The following EIF3H variants were observed in gnomAD, a reference collection of about 807,000 sequenced individuals.
EIF3H encodes the protein eukaryotic translation initiation factor 3 subunit H, also known as eIF-3-gamma.
EIF3H carries 26 observed loss-of-function variants against 44.2 expected under a neutral mutation model. That is an observed-to-expected ratio of 0.59 (90% CI 0.43 to 0.82). EIF3H has a LOEUF of 0.82. Ranked by LOEUF, EIF3H falls within the 40% of genes least tolerant of loss-of-function variation. The pLI, the probability that EIF3H is intolerant of heterozygous loss-of-function variation, is 0.00. For missense variants in EIF3H, 359 were observed against 432.8 expected (o/e 0.83, Z 1.51); for synonymous variants, 166 against 151.9 (o/e 1.09, Z -0.68).
At chr8:116,743,794 ATATAAACAC>A (rs1815176973) in intron 1 of EIF3H, among the ~76,000 whole-genome samples, 15 of 91,762 alleles carry the variant, frequency 1.6e-4, no homozygotes, top group South Asian at 6.9e-4. Context: ...ATATATATAT[ATATAAACAC>A]ACACACACAC....
At chr8:116,676,238 G>A (rs1028691311) in intron 2 of EIF3H, among the ~76,000 whole-genome samples, 11 of 152,198 alleles carry the variant, frequency 7.2e-5, no homozygotes, top group African/African-American at 2.7e-4. Flanking sequence ...ACTAATGAGA[G>A]AAAGAATACA....
chr8:116,753,486 T>TA (rs1435833732), intron 1 of EIF3H, among the ~76,000 whole-genome samples: 20 of 152,210 alleles, frequency 1.3e-4, no homozygotes, highest in Non-Finnish European at 2.6e-4. Context: ...ACTGAAAAGG[T>TA]ATGTCTTCCA....
In EIF3H at chr8:116,645,048, G is replaced by A. The variant is rs369039045; in HGVS notation, c.1017C>T (p.Gly339=). 6 of 1,613,994 alleles carry A rather than the reference G, an allele frequency of 3.7e-6. No homozygotes were observed. Among genetic ancestry groups the A allele is most frequent in the Middle Eastern group, 1.6e-4 (1 of 6,084 alleles). The change falls in exon 8 of 8, where the codon GGC becomes GGT. Residue 339 remains glycine, a synonymous_variant. Transcript: ENST00000521861. ...GAAGAGCCTGGGCCATGAAGAGCTTGCCTAAGTTTTGGGCAGTGAACTCCT... is the reference window on the plus strand; with the variant it reads ...GAAGAGCCTGGGCCATGAAGAGCTTACCTAAGTTTTGGGCAGTGAACTCCT... ...NIKEFTAQNL[G]KLFMAQALQE...
intron 1 of EIF3H, among the ~76,000 whole-genome samples, chr8:116,764,375 T>C (rs1282987443): frequency 1.3e-5 from 2 of 152,246 alleles, no homozygotes; most frequent in Non-Finnish European, 1.5e-5. Flanking sequence ...ATATTGATTT[T>C]CCATTACAGA....
At chr8:116,648,362 T>C (rs1015455509) in intron 6 of EIF3H, among the ~76,000 whole-genome samples, 4 of 152,224 alleles carry the variant, frequency 2.6e-5, no homozygotes, top group African/African-American at 7.2e-5. Context: ...TATTATACTA[T>C]CTACTTCACA....
intron 5 of EIF3H, among the ~76,000 whole-genome samples, chr8:116,651,159 T>C (rs1384731125): frequency 1.3e-5 from 2 of 152,326 alleles, no homozygotes; most frequent in African/African-American, 2.4e-5. Context: ...TTTTTCTCTA[T>C]ATTAAAAACT....
At chr8:116,759,135 T>C (rs1449841310), upstream of EIF3H, among the ~76,000 whole-genome samples, 1 of 152,258 alleles carries the variant, frequency 6.6e-6, no homozygotes, top group Non-Finnish European at 1.5e-5. Context: ...TGTGGATATT[T>C]ATTTATTGTA....
At chr8:116,732,669 ATTCATTC>A (rs1168449964) in intron 1 of EIF3H, among the ~76,000 whole-genome samples, 2 of 151,918 alleles carry the variant, frequency 1.3e-5, no homozygotes, top group African/African-American at 4.8e-5. Context: ...TCATTCATTC[ATTCATTC>A]ATTCACTTAG....
At chr8:116,718,574 C>T (rs1240245025) in intron 2 of EIF3H, among the ~76,000 whole-genome samples, 1 of 151,946 alleles carries the variant, frequency 6.6e-6, no homozygotes, top group East Asian at 1.9e-4. Flanking sequence ...GCATTTGCAG[C>T]AACCTGGATG....
At chr8:116,668,124 TCAACTAC>T (rs1813698010) in intron 2 of EIF3H, among the ~76,000 whole-genome samples, 1 of 152,234 alleles carries the variant, frequency 6.6e-6, no homozygotes, top group South Asian at 2.1e-4. Context: ...GTTATAATAG[TCAACTAC>T]CTTCTGAGTA....
chr8:116,751,095 C>A (rs1055520303), intron 1 of EIF3H, among the ~76,000 whole-genome samples: 37 of 151,664 alleles, frequency 2.4e-4, no homozygotes, highest in Non-Finnish European at 3.8e-4. Context: ...GCCTGTAGTC[C>A]CAGCTACTTG....
At chr8:116,740,586 A>C (rs1044762508) in intron 1 of EIF3H, among the ~76,000 whole-genome samples, 1 of 152,124 alleles carries the variant, frequency 6.6e-6, no homozygotes, top group African/African-American at 2.4e-5. Context: ...GCCCAGATGA[A>C]ACCCCAACAT....
chr8:116,723,427 G>T (rs4129064), intron 2 of EIF3H, among the ~76,000 whole-genome samples: 101,103 of 149,044 alleles, frequency 0.68, 34,215 homozygotes, highest in Non-Finnish European at 0.75. Context: ...GCATAGCCAG[G>T]TTAAAAAAAA....
chr8:116,698,319 A>G (rs1329462771), intron 2 of EIF3H, among the ~76,000 whole-genome samples: 1 of 152,192 alleles, frequency 6.6e-6, no homozygotes, highest in African/African-American at 2.4e-5. Flanking sequence ...CCAGATACTC[A>G]TGAGCCTGGC....
At chr8:116,725,384 T>C (rs1419291967) in intron 2 of EIF3H, among the ~76,000 whole-genome samples, 1 of 152,218 alleles carries the variant, frequency 6.6e-6, no homozygotes, top group Non-Finnish European at 1.5e-5. Context: ...TACTGTAATG[T>C]ATACTTAAAA....
intron 2 of EIF3H, among the ~76,000 whole-genome samples, chr8:116,680,904 C>T (rs1319336558): frequency 6.6e-6 from 1 of 150,640 alleles, no homozygotes. Context: ...GTTTATTGCG[C>T]ATGTCTGGGT....
rs928134228 is a variant in EIF3H at position 116,644,909 on chromosome 8, T to C, written c.*97A>G. On this transcript the variant is annotated 3_prime_UTR_variant, in exon 8 of 8. Transcript: ENST00000521861. ...ATCGGCAATGACACTAAAGAAATCC[T>C]CTGTGCTTTTCAATATGCAAATATA... 9.3e-6 allele frequency: 9 copies of C among 964,530 alleles called. No individual in the cohort carries two copies. Among genetic ancestry groups the C allele is most frequent in the Non-Finnish European group, 1.4e-5 (9 of 631,920 alleles). The allele number at this position is 964,530 out of a possible 1,614,324, so 59.7% of individuals were successfully genotyped here.
In EIF3H at chr8:116,658,911, T is replaced by A; in HGVS notation, c.359A>T (p.Tyr120Phe). 1 of 1,613,824 alleles carries A rather than the reference T, an allele frequency of 6.2e-7. No individual in the cohort carries two copies. The highest frequency in any genetic ancestry group is 8.5e-7 in the Non-Finnish European group (1 of 1,179,808). The change falls in exon 3 of 8, where the codon TAT becomes TTT. Residue 120 changes from tyrosine to phenylalanine, a missense_variant. Coordinates refer to ENST00000521861, the MANE Select transcript of EIF3H (RefSeq NM_003756.3). ...GAATGAGCCATAGTATGTGGACTGA[T>A]ACCAGCCCACGTGAAGATGATCAAT... Reference protein sequence around the residue: ...VNIDHLHVGWYQSTYYGSFVT... With the variant: ...VNIDHLHVGWFQSTYYGSFVT...
In EIF3H at chr8:116,644,008, T is replaced by C. The variant is rs1424075432; in HGVS notation, c.*998A>G. ...ACACTTGCTGTTAGCAGAATTATAC[T>C]TCATGGTTTCGGAAGACAAATGTGA... On this transcript the variant is annotated 3_prime_UTR_variant, in exon 8 of 8. Transcript: ENST00000521861. 6.6e-6 allele frequency: 1 copy of C among 152,258 alleles called. No homozygotes were observed. The highest frequency in any genetic ancestry group is 1.5e-5 in the Non-Finnish European group (1 of 68,050). 9.4% of individuals were successfully genotyped at this position (152,258 alleles called of 1,614,324 possible).
Sources: allele counts gnomAD v4.1 joint callset (sites outside exome capture counted in the v4.1 genomes callset), GRCh38; gene constraint gnomAD v4.1.1; transcripts MANE v1.5; gene names NCBI Gene and HGNC (gene_info 2026-07-23, HGNC 2026-07-21).